The following KDM1A variants were observed in gnomAD, a reference collection of about 807,000 sequenced individuals.
The protein encoded by KDM1A is lysine-specific histone demethylase 1A.
In KDM1A, 49 loss-of-function variants were observed where a neutral mutation model predicts 109.4. That is an observed-to-expected ratio of 0.45 (90% CI 0.36 to 0.57). KDM1A has a LOEUF of 0.57. Among genes scored for constraint, KDM1A ranks in the 20% least tolerant of loss-of-function variants. The pLI, the probability that KDM1A is intolerant of heterozygous loss-of-function variation, is 0.00. For synonymous variants in KDM1A, 380 were observed against 415.4 expected (o/e 0.91, Z 1.04); for missense variants, 668 against 1,116.6 (o/e 0.60, Z 5.73).
chr1:23,048,228 ATTT>A (rs1642559240), intron 3 of KDM1A, among the ~76,000 whole-genome samples: 1 of 151,952 alleles, frequency 6.6e-6, no homozygotes, highest in South Asian at 2.1e-4. Flanking sequence ...AATGTGAGTT[ATTT>A]TTAGTCTTGG....
intron 2 of KDM1A, among the ~76,000 whole-genome samples, chr1:23,034,093 G>T (rs1269977909): frequency 6.6e-6 from 1 of 152,152 alleles, no homozygotes; most frequent in African/African-American, 2.4e-5. Flanking sequence ...ATCAATTTTT[G>T]ACCGTAAGTT....
At chr1:23,046,407 A>T (rs1203050610) in intron 3 of KDM1A, among the ~76,000 whole-genome samples, 1 of 152,116 alleles carries the variant, frequency 6.6e-6, no homozygotes, top group African/African-American at 2.4e-5. Flanking sequence ...AGTCTTTAAT[A>T]TGTAGATCAC....
In KDM1A at chr1:23,081,703, A is replaced by C. The variant is rs997834712; in HGVS notation, c.2298+130A>C. On this transcript the variant is annotated intron_variant, in intron 19 of 20. Coordinates refer to ENST00000400181, the MANE Select transcript of KDM1A (RefSeq NM_001009999.3). ...GGTCTGTGCTTTTACATGAATAATTAATGTTTGGAGTTCATGGCCTAAGCG... is the reference window on the plus strand; with the variant it reads ...GGTCTGTGCTTTTACATGAATAATTCATGTTTGGAGTTCATGGCCTAAGCG... 3.5e-6 allele frequency: 4 copies of C among 1,135,900 alleles called. No individual in the cohort carries two copies. In the East Asian group the frequency reaches 1.1e-4, roughly 30 times the overall value. 70.4% of individuals were successfully genotyped at this position (1,135,900 alleles called of 1,614,324 possible).
At position 23,069,056 on chromosome 1, in the gene KDM1A, CT is replaced by C. The variant is rs756776293; in HGVS notation, c.1323-3del. On this transcript the variant is annotated splice_region_variant and splice_polypyrimidine_tract_variant and intron_variant, in intron 11 of 20. Transcript: ENST00000400181. Reference sequence around the variant, plus strand: ...AGAGCAGATTATACATATTGTCTCTCTTAGGTTACAAGAGAAGCATGTCAAA... The same window carrying C: ...AGAGCAGATTATACATATTGTCTCTCTAGGTTACAAGAGAAGCATGTCAAA... 1.3e-6 allele frequency: 2 copies of C among 1,598,528 alleles called. No individual in the cohort carries two copies. The highest frequency in any genetic ancestry group is 8.5e-7 in the Non-Finnish European group (1 of 1,170,616).
In KDM1A at chr1:23,019,730, C is replaced by G; in HGVS notation, c.134C>G (p.Ser45Trp). The G allele has an allele frequency of 2.3e-6, 3 of 1,328,998 alleles. No homozygotes were observed. Among genetic ancestry groups the G allele is most frequent in the South Asian group, 4.2e-5 (2 of 47,726 alleles). 82.3% of individuals were successfully genotyped at this position (1,328,998 alleles called of 1,614,324 possible). A position where few individuals can be genotyped will look rare whatever the true frequency, so the allele number is the denominator to read the frequency against. Reference sequence around the variant, plus strand: ...GTGGCCGCGCAGCCCGCGGGCCTGTCGGGCCCAGCCGAGGTCGGGCCGGGG... The same window carrying G: ...GTGGCCGCGCAGCCCGCGGGCCTGTGGGGCCCAGCCGAGGTCGGGCCGGGG... ...SEVAAQPAGL[S>W]GPAEVGPGAV... The change falls in exon 1 of 21, where the codon TCG (serine) becomes TGG (tryptophan). Residue 45 changes from serine (S) to tryptophan (W), a missense_variant. Ser to Trp is a radical substitution (Grantham distance 177, BLOSUM62 -3). Around this residue, in one of 8 missense-constraint regions of KDM1A, gnomAD observed 156 missense variants for 163.4 expected, o/e 0.95. Transcript: ENST00000400181.
chr1:23,054,971 G>T (rs946995248), intron 5 of KDM1A, 98 bp from the exon 6 acceptor site: 12 of 725,938 alleles, frequency 1.7e-5, no homozygotes, highest in Non-Finnish European at 2.5e-5. Flanking sequence ...GAAGCTTAAT[G>T]GTTTTAAGGA....
intron 1 of KDM1A, among the ~76,000 whole-genome samples, chr1:23,023,709 C>T (rs936670798): frequency 3.9e-5 from 6 of 152,200 alleles, no homozygotes; most frequent in African/African-American, 7.2e-5. Context: ...TTAGGACCAG[C>T]TTGTCAGTTT....
intron 4 of KDM1A, among the ~76,000 whole-genome samples, chr1:23,051,469 G>T (rs926102954): frequency 6.6e-6 from 1 of 152,084 alleles, no homozygotes; most frequent in Non-Finnish European, 1.5e-5. Flanking sequence ...CCTCCCCTCC[G>T]CATTGCCCTG....
At chr1:23,065,950 G>T (rs1557574831) in intron 9 of KDM1A, 110 bp from the exon 10 acceptor site, 2 of 1,481,336 alleles carry the variant, frequency 1.4e-6, no homozygotes, top group East Asian at 2.4e-5. Flanking sequence ...CTTCTGTCAT[G>T]CTATGTGTTT....
intron 6 of KDM1A, among the ~76,000 whole-genome samples, chr1:23,055,583 A>G (rs1039611211): frequency 2.0e-5 from 3 of 152,198 alleles, no homozygotes; most frequent in African/African-American, 7.2e-5. Context: ...GTTAAGGGAA[A>G]TAGCTTATAT....
At chr1:23,083,089 G>A in intron 20 of KDM1A, 90 bp from the exon 21 acceptor site, 1 of 1,256,056 alleles carries the variant, frequency 8.0e-7, no homozygotes, top group Non-Finnish European at 1.1e-6. Context: ...CTTTAAAAAG[G>A]TCAACAGCAA....
rs879802757 is a variant in KDM1A at position 23,070,474 on chromosome 1, G to GA, written c.1414-737dup. On this transcript the variant is annotated intron_variant, in intron 12 of 20. Coordinates refer to ENST00000400181, the MANE Select transcript of KDM1A (RefSeq NM_001009999.3). ...TGACAGAACAAGACTGTGTCTCTTA[G>GA]AAAAAAAAAAAAAATTCTTTGACCT... Among the ~76,000 whole-genome samples, 251 of 127,946 alleles carry GA rather than the reference G, an allele frequency of 2.0e-3. 1 individual carries two copies. The highest frequency in any genetic ancestry group is 5.0e-3 in the East Asian group (22 of 4,428). 83.9% of individuals were successfully genotyped at this position (127,946 alleles called of 152,430 possible).
At chr1:23,035,421 C>T (rs1030314869) in intron 2 of KDM1A, among the ~76,000 whole-genome samples, 51 of 152,274 alleles carry the variant, frequency 3.3e-4, no homozygotes, top group African/African-American at 1.2e-3. Flanking sequence ...AGGCTGATCT[C>T]GAACTCCTGA....
At chr1:23,025,355 A>G (rs904275980) in intron 1 of KDM1A, among the ~76,000 whole-genome samples, 1 of 147,456 alleles carries the variant, frequency 6.8e-6, no homozygotes, top group Non-Finnish European at 1.5e-5. Flanking sequence ...TTTGAGATGA[A>G]GTCTCACTCT....
rs1324522943 is a variant in KDM1A, at chr1:23,079,120, T to C, written c.1998T>C (p.Pro666=). 6.2e-7 allele frequency: 1 copy of C among 1,614,158 alleles called. No homozygotes were observed. The change falls in exon 17 of 21, where the codon CCT becomes CCC. Residue 666 remains proline (P), a synonymous_variant. Coordinates refer to ENST00000400181, the MANE Select transcript of KDM1A (RefSeq NM_001009999.3). The surrounding 1 kb of genome is among the most constrained non-coding windows in gnomAD (Gnocchi z 5.6). ...QQPPAVQFVP[P]LPEWKTSAVQ... Reference sequence around the variant, plus strand: ...CACCAGCCGTTCAGTTTGTGCCACCTCTCCCTGAGTGGAAAACATCTGCAG... The same window carrying C: ...CACCAGCCGTTCAGTTTGTGCCACCCCTCCCTGAGTGGAAAACATCTGCAG...
chr1:23,029,584 G>A (rs1641914446), intron 1 of KDM1A, among the ~76,000 whole-genome samples: 1 of 152,052 alleles, frequency 6.6e-6, no homozygotes, highest in African/African-American at 2.4e-5. Flanking sequence ...GTGTGAATTA[G>A]TAGTAAGACC....
chr1:23,042,678 T>G (rs1157006564), intron 2 of KDM1A, among the ~76,000 whole-genome samples: 284 of 151,434 alleles, frequency 1.9e-3, no homozygotes, highest in Middle Eastern at 6.8e-3. Context: ...GGTCTCGATC[T>G]CCTGACCTCG....
chr1:23,035,878 A>G (rs914119827), intron 2 of KDM1A, among the ~76,000 whole-genome samples: 2 of 152,192 alleles, frequency 1.3e-5, no homozygotes, highest in African/African-American at 4.8e-5. Context: ...TTGATCAGAA[A>G]AGAGTTGAAG....
intron 10 of KDM1A, among the ~76,000 whole-genome samples, chr1:23,067,567 A>G (rs981955230): frequency 6.6e-6 from 1 of 152,182 alleles, no homozygotes; most frequent in Non-Finnish European, 1.5e-5. Context: ...ATTTGCTTCA[A>G]TGTTTTATTT....
Sources: gnomAD v4.1 joint callset for allele counts (sites outside exome capture counted in the v4.1 genomes callset) on GRCh38, gnomAD v4.1.1 for gene constraint, gnomAD v4.1.1 regional missense constraint, Gnocchi (gnomAD v3.1) non-coding constraint, MANE v1.5 for transcripts, NCBI Gene and HGNC (gene_info 2026-07-23, HGNC 2026-07-21) for gene names.